SATL1: variants seen among roughly 807,000 people sequenced by gnomAD.
SATL1 encodes spermidine/spermine N1-acetyl transferase like 1, also known as spermidine/spermine N(1)-acetyltransferase-like protein 1.
A neutral mutation model predicts 51.8 loss-of-function variants in SATL1; 47 were observed. The observed-to-expected ratio is 0.91, with a 90% CI of 0.72 to 1.16. The LOEUF (loss-of-function observed/expected upper bound fraction) is 1.16. SATL1 is among the 50% of genes most tolerant of loss of function. SATL1 has a pLI of 0.00. For missense variants in SATL1, 520 were observed against 526.4 expected, an observed-to-expected ratio of 0.99 and a Z score of 0.12; for synonymous variants, 176 against 182.4, an observed-to-expected ratio of 0.97 and a Z score of 0.28.
chrX:85,138,034 A>G lies in SATL1; in HGVS notation c.-312-28754T>C, dbSNP rs1455632368. ...TTAGGGTTTCCATCTCTCTGCTAAC[A>G]TTACCTATCTATTCCTGTATATTGT... is the stretch of plus-strand genomic sequence containing the variant. On this transcript the variant is annotated intron_variant, in intron 2 of 7. Coordinates refer to ENST00000644105, the MANE Select transcript of SATL1 (RefSeq NM_001367857.2). Among the ~76,000 whole-genome samples the G allele has an allele frequency of 7.2e-5, 8 of 111,733 alleles. No individual in the cohort carries two copies. In the South Asian group the frequency reaches 1.1e-3, roughly 16 times the overall value.
In SATL1 at chrX:85,103,969, T is replaced by C. The variant is rs146418802; in HGVS notation, c.1642-54A>G. ...ATGATTTAGCAATAAATTATTAAGA[T>C]GATAATCATCATAAAATTTGTATTA... On this transcript the variant is annotated intron_variant, in intron 3 of 7. Transcript: ENST00000644105. 37 of 891,509 alleles carry C rather than the reference T, an allele frequency of 4.2e-5. No homozygotes were observed. In the Admixed American group the frequency reaches 6.8e-4, roughly 16 times the overall value. 73.5% of individuals were successfully genotyped at this position (891,509 alleles called of 1,213,427 possible). A position where few individuals can be genotyped will look rare whatever the true frequency, so the allele number is the denominator to read the frequency against.
intron 2 of SATL1, among the ~76,000 whole-genome samples, chrX:85,179,922 C>A (rs184657323): frequency 0.024 from 2,566 of 107,980 alleles, 31 homozygotes; most frequent in Middle Eastern, 0.043. Context: ...AAAAAAAAAA[C>A]ACACACACAC....
At chrX:85,119,216 T>A (rs1195481754) in intron 2 of SATL1, among the ~76,000 whole-genome samples, 1 of 111,886 alleles carries the variant, frequency 8.9e-6, no homozygotes, top group African/African-American at 3.2e-5. Flanking sequence ...GTCACTGTTG[T>A]CCTCTTTCAG....
At position 85,121,363 on chromosome X, in the gene SATL1, A is replaced by T. The variant is rs756118932; in HGVS notation, c.-312-12083T>A. Among the ~76,000 whole-genome samples, 41 of 104,880 alleles carry T rather than the reference A, an allele frequency of 3.9e-4. 1 individual carries two copies. The highest frequency in any genetic ancestry group is 3.9e-3 in the Admixed American group (36 of 9,273). 91.1% of individuals were successfully genotyped at this position (104,880 alleles called of 115,157 possible). ...ATATATACTATATAAAAATATATGT[A>T]TGTATATAAATATATAAATATATAC... On this transcript the variant is annotated intron_variant, in intron 2 of 7. Coordinates refer to ENST00000644105, the MANE Select transcript of SATL1 (RefSeq NM_001367857.2).
chrX:85,106,152 T>A (rs1925034529), intron 3 of SATL1, among the ~76,000 whole-genome samples: 1 of 112,060 alleles, frequency 8.9e-6, no homozygotes, highest in African/African-American at 3.2e-5. Context: ...AAAAACTCTT[T>A]AAAAAATGTT....
chrX:85,188,715 A>G lies in SATL1; in HGVS notation c.-313+35490T>C, dbSNP rs139426087. On this transcript the variant is annotated intron_variant, in intron 2 of 7. Coordinates refer to ENST00000644105, the MANE Select transcript of SATL1 (RefSeq NM_001367857.2). ...GAGATCTAAAATATTTGCAAAAAAT[A>G]TCTTCATTACTTTTCTATGTGGATT... Among the ~76,000 whole-genome samples, 29 of 112,099 alleles carry G rather than the reference A, an allele frequency of 2.6e-4. No homozygotes were observed. The East Asian group carries it at 7.0e-3, about 27-fold the overall frequency.
chrX:85,207,672 C>T lies in SATL1; in HGVS notation c.-313+16533G>A, dbSNP rs542025336. On this transcript the variant is annotated intron_variant, in intron 2 of 7. Transcript: ENST00000644105. ...ACTGTCCCAGATTCTCACAGCATCCCCCTCACTGTGGCTGTGGAAAAATGG... is the reference window on the plus strand; with the variant it reads ...ACTGTCCCAGATTCTCACAGCATCCTCCTCACTGTGGCTGTGGAAAAATGG... The T allele has an allele frequency of 2.7e-5, 3 of 111,758 alleles. No individual in the cohort carries two copies. The South Asian group carries it at 1.1e-3, about 42-fold the overall frequency. 9.2% of individuals were successfully genotyped at this position (111,758 alleles called of 1,213,427 possible).
chrX:85,237,971 T>C (rs1215918087), intron 1 of SATL1, among the ~76,000 whole-genome samples: 4 of 111,376 alleles, frequency 3.6e-5, no homozygotes, highest in Non-Finnish European at 7.6e-5. Context: ...CTCAACATAA[T>C]TGATAATCAG....
At chrX:85,165,733 G>A (rs189683665) in intron 2 of SATL1, among the ~76,000 whole-genome samples, 10 of 111,239 alleles carry the variant, frequency 9.0e-5, no homozygotes, top group African/African-American at 3.3e-4. Flanking sequence ...TTATCCCATG[G>A]GGTGATCCCT....
At chrX:85,239,087 A>G (rs1446532714) in intron 1 of SATL1, among the ~76,000 whole-genome samples, 1 of 110,698 alleles carries the variant, frequency 9.0e-6, no homozygotes, top group African/African-American at 3.3e-5. Context: ...GGTTGATCTC[A>G]TGTTAAGTGT....
At chrX:85,176,443 C>A (rs1374167736) in intron 2 of SATL1, among the ~76,000 whole-genome samples, 1 of 111,325 alleles carries the variant, frequency 9.0e-6, no homozygotes, top group Admixed American at 9.6e-5. Flanking sequence ...TAGAAAAGAA[C>A]TGGAAACCAG....
Position 85,223,251 on chromosome X carries a change from C to A in SATL1, c.-313+954G>T, listed in dbSNP as rs757906366. On this transcript the variant is annotated intron_variant, in intron 2 of 7. Transcript: ENST00000644105. ...TAAGAATGTTTTGTTAGGAATTATC[C>A]CATTTCCTTTATCACAAAGTTTTTG... is the stretch of plus-strand genomic sequence containing the variant. 6.3e-5 allele frequency among the ~76,000 whole-genome samples: 7 copies of A among 111,410 alleles called. No homozygotes were observed. The South Asian group carries it at 2.6e-3, about 42-fold the overall frequency.
chrX:85,156,926 G>T (rs749657013), intron 2 of SATL1, among the ~76,000 whole-genome samples: 1 of 100,613 alleles, frequency 9.9e-6, no homozygotes, highest in East Asian at 3.0e-4. Flanking sequence ...CTCTAACAGA[G>T]ACTTGTGGGA....
At chrX:85,097,605 G>C (rs1010311672) in intron 4 of SATL1, among the ~76,000 whole-genome samples, 10 of 112,140 alleles carry the variant, frequency 8.9e-5, no homozygotes, top group Non-Finnish European at 1.7e-4. Flanking sequence ...GCCTTCCAAA[G>C]TGCTGGGGTT....
At chrX:85,132,392 ATT>A (rs1035871882) in intron 2 of SATL1, among the ~76,000 whole-genome samples, 1 of 109,717 alleles carries the variant, frequency 9.1e-6, no homozygotes, top group African/African-American at 3.3e-5. Flanking sequence ...GCTTCATTTC[ATT>A]AATTTGATCT....
intron 3 of SATL1, among the ~76,000 whole-genome samples, chrX:85,106,248 A>G (rs1925037136): frequency 8.9e-6 from 1 of 111,994 alleles, no homozygotes; most frequent in African/African-American, 3.2e-5. Context: ...GATTAATGCC[A>G]GTTAGAGAAA....
intron 2 of SATL1, among the ~76,000 whole-genome samples, chrX:85,121,431 TTAGTATA>T (rs1925504954): frequency 9.6e-6 from 1 of 104,057 alleles, no homozygotes. Context: ...CTATTTCTTG[TTAGTATA>T]TAGTATATAT....
At chrX:85,137,293 A>G (rs1409314575) in intron 2 of SATL1, among the ~76,000 whole-genome samples, 2 of 111,632 alleles carry the variant, frequency 1.8e-5, no homozygotes, top group Non-Finnish European at 3.8e-5. Context: ...TGGAGTAGTG[A>G]AAGTCTGAAA....
chrX:85,243,437 G>C (rs768899852), intron 1 of SATL1, among the ~76,000 whole-genome samples, 151 bp downstream of exon 1: 1 of 111,777 alleles, frequency 8.9e-6, no homozygotes, highest in African/African-American at 3.3e-5. Context: ...ACTTCATTGA[G>C]GTCCCTTGTT....
Sources: gnomAD v4.1 joint callset for allele counts (sites outside exome capture counted in the v4.1 genomes callset) on GRCh38, gnomAD v4.1.1 for gene constraint, MANE v1.5 for transcripts, NCBI Gene and HGNC (gene_info 2026-07-23, HGNC 2026-07-21) for gene names.